BTBD9: variants seen among roughly 807,000 people sequenced by gnomAD.
The protein encoded by BTBD9 is BTB/POZ domain-containing protein 9.
In BTBD9, 49 loss-of-function variants were observed where a neutral mutation model predicts 64.3. The ratio of observed to expected loss-of-function variants is 0.76; its 90% CI spans 0.61 to 0.97. BTBD9 has a LOEUF of 0.97. BTBD9 is among the 50% of genes least tolerant of loss of function. The pLI is 0.00. For synonymous variants in BTBD9, 260 were observed against 274.7 expected (o/e 0.95, Z 0.53); for missense variants, 598 against 762.1 (o/e 0.78, Z 2.53).
At chr6:38,595,136 C>T (rs1776980591) in intron 2 of BTBD9, among the ~76,000 whole-genome samples, 2 of 152,150 alleles carry the variant, frequency 1.3e-5, no homozygotes, top group African/African-American at 2.4e-5. Context: ...ATATGTACTG[C>T]ATTAAAAAAG....
At chr6:38,313,648 T>C (rs1037258809) in intron 7 of BTBD9, among the ~76,000 whole-genome samples, 3 of 152,178 alleles carry the variant, frequency 2.0e-5, no homozygotes, top group African/African-American at 7.2e-5. Context: ...ATGGTGTTTG[T>C]CCTTTATTAT....
At chr6:38,217,075 G>A (rs768159388) in intron 9 of BTBD9, among the ~76,000 whole-genome samples, 15 of 151,502 alleles carry the variant, frequency 9.9e-5, no homozygotes, top group African/African-American at 1.5e-4. Flanking sequence ...TTGGGAGGCC[G>A]AGGTGGGTGG....
At position 38,171,266 on chromosome 6, in the gene BTBD9, A is replaced by G. The variant is rs1766747146; in HGVS notation, c.*3719T>C. On this transcript the variant is annotated 3_prime_UTR_variant, in exon 11 of 11. Coordinates refer to ENST00000481247, the MANE Select transcript of BTBD9 (RefSeq NM_001099272.2). The stretch of plus-strand genomic sequence containing the variant: ...GCAGTTTGACAACTGGGGCGACAGC[A>G]TAATACTGGGCAATTTTTTGCACAA... 1 of 152,236 alleles carries G rather than the reference A, an allele frequency of 6.6e-6. No homozygotes were observed. Among genetic ancestry groups the G allele is most frequent in the African/African-American group, 2.4e-5 (1 of 41,470 alleles). 9.4% of individuals were successfully genotyped at this position (152,236 alleles called of 1,614,324 possible). A position where few individuals can be genotyped will look rare whatever the true frequency, so the allele number is the denominator to read the frequency against.
At chr6:38,553,185 T>C (rs1176724953) in intron 6 of BTBD9, among the ~76,000 whole-genome samples, 1 of 152,208 alleles carries the variant, frequency 6.6e-6, no homozygotes, top group Non-Finnish European at 1.5e-5. Context: ...CAATCTGCAG[T>C]TGGTTCTATC....
chr6:38,439,981 G>A (rs760254407), intron 6 of BTBD9, among the ~76,000 whole-genome samples: 3 of 152,192 alleles, frequency 2.0e-5, no homozygotes, highest in Non-Finnish European at 2.9e-5. Flanking sequence ...GAAGACTGCA[G>A]AAGATGGGGG....
At position 38,169,143 on chromosome 6, in the gene BTBD9, C is replaced by G. The variant is rs1766642036; in HGVS notation, c.*5842G>C. ...AGGACCTTACTGGCAGCACCCTGCCCTGCTGACCCTGGAAGCAGCTGATTG... is the reference window on the plus strand; with the variant it reads ...AGGACCTTACTGGCAGCACCCTGCCGTGCTGACCCTGGAAGCAGCTGATTG... On this transcript the variant is annotated 3_prime_UTR_variant, in exon 11 of 11. Transcript: ENST00000481247. 6.6e-6 allele frequency: 1 copy of G among 152,562 alleles called. No individual in the cohort carries two copies. Among genetic ancestry groups the G allele is most frequent in the African/African-American group, 2.4e-5 (1 of 41,444 alleles). 9.5% of individuals were successfully genotyped at this position (152,562 alleles called of 1,614,324 possible). A position where few individuals can be genotyped will look rare whatever the true frequency, so the allele number is the denominator to read the frequency against.
chr6:38,281,855 A>ATT (rs1309481429), intron 8 of BTBD9, among the ~76,000 whole-genome samples: 1 of 152,202 alleles, frequency 6.6e-6, no homozygotes, highest in Non-Finnish European at 1.5e-5. Flanking sequence ...CACTTACTCT[A>ATT]TTGCACATAT....
chr6:38,339,465 T>A (rs1764020603), intron 7 of BTBD9, among the ~76,000 whole-genome samples: 1 of 151,914 alleles, frequency 6.6e-6, no homozygotes, highest in Non-Finnish European at 1.5e-5. Context: ...CAAGACCCTG[T>A]CTCAAGAAAA....
At chr6:38,477,981 C>G (rs975438083) in intron 6 of BTBD9, among the ~76,000 whole-genome samples, 2 of 152,158 alleles carry the variant, frequency 1.3e-5, no homozygotes, top group Non-Finnish European at 2.9e-5. Flanking sequence ...ACGGTGCAAC[C>G]TCTCTGGGCT....
At chr6:38,607,436 T>C (rs956602371) in intron 1 of BTBD9, among the ~76,000 whole-genome samples, 2 of 152,234 alleles carry the variant, frequency 1.3e-5, no homozygotes, top group African/African-American at 4.8e-5. Flanking sequence ...TATCCAAACT[T>C]CTTAGTAGAA....
chr6:38,591,483 T>C (rs936940468), intron 4 of BTBD9, among the ~76,000 whole-genome samples: 1 of 152,226 alleles, frequency 6.6e-6, no homozygotes, highest in Non-Finnish European at 1.5e-5. Context: ...TGGGAGTTTA[T>C]GTCTTATTTC....
At chr6:38,328,607 GTGTGTT>G (rs1441734643) in intron 7 of BTBD9, among the ~76,000 whole-genome samples, 5 of 135,822 alleles carry the variant, frequency 3.7e-5, no homozygotes, top group Non-Finnish European at 6.6e-5. Context: ...GTGTGTGTGT[GTGTGTT>G]TTATGGCTGT....
At chr6:38,483,151 C>T (rs1771238175) in intron 6 of BTBD9, among the ~76,000 whole-genome samples, 1 of 151,980 alleles carries the variant, frequency 6.6e-6, no homozygotes, top group South Asian at 2.1e-4. Flanking sequence ...CATTTCTCTG[C>T]TTCCCCTCCC....
At chr6:38,300,256 T>C (rs568767434) in intron 7 of BTBD9, among the ~76,000 whole-genome samples, 192 of 152,368 alleles carry the variant, frequency 1.3e-3, no homozygotes, top group Middle Eastern at 6.8e-3. Context: ...TTTTGGTTAC[T>C]GTAGCCTTGT....
chr6:38,320,290 A>C (rs1353932226), intron 7 of BTBD9, among the ~76,000 whole-genome samples: 1 of 152,166 alleles, frequency 6.6e-6, no homozygotes, highest in Non-Finnish European at 1.5e-5. Flanking sequence ...ACACTTGTCA[A>C]ATTTGGTGTT....
Position 38,602,362 on chromosome 6 carries a change from C to T in BTBD9, c.-27-4241G>A, listed in dbSNP as rs1440779954. 4.0e-5 allele frequency among the ~76,000 whole-genome samples: 6 copies of T among 151,612 alleles called. 1 individual carries two copies. In the South Asian group the frequency reaches 1.3e-3, roughly 32 times the overall value. On this transcript the variant is annotated intron_variant, in intron 1 of 10. Transcript: ENST00000481247. ...ATTGGTTAAATAAATAATGGTATGTCTATACAATGAAATATTATAAATTAT... is the reference window on the plus strand; with the variant it reads ...ATTGGTTAAATAAATAATGGTATGTTTATACAATGAAATATTATAAATTAT...
intron 6 of BTBD9, among the ~76,000 whole-genome samples, chr6:38,535,142 T>C (rs983661558): frequency 6.6e-6 from 1 of 152,106 alleles, no homozygotes; most frequent in Non-Finnish European, 1.5e-5. Context: ...AAAAAACTAT[T>C]AGAACTGATC....
intron 7 of BTBD9, among the ~76,000 whole-genome samples, chr6:38,312,799 G>T (rs1240192897): frequency 6.6e-6 from 1 of 152,126 alleles, no homozygotes; most frequent in Non-Finnish European, 1.5e-5. Flanking sequence ...TCCTCTTTTG[G>T]TTACCACAGT....
chr6:38,579,778 T>C (rs1271349761), intron 5 of BTBD9, among the ~76,000 whole-genome samples: 1 of 152,190 alleles, frequency 6.6e-6, no homozygotes, highest in Non-Finnish European at 1.5e-5. Context: ...TTTTAAAGGG[T>C]AGAGTGTTCA....
Sources: allele counts gnomAD v4.1 joint callset (sites outside exome capture counted in the v4.1 genomes callset), GRCh38; gene constraint gnomAD v4.1.1; transcripts MANE v1.5; gene names NCBI Gene and HGNC (gene_info 2026-07-23, HGNC 2026-07-21).